Variants in NKAIN2 observed in about 807,000 individuals in gnomAD.
NKAIN2 encodes sodium/potassium transporting ATPase interacting 2.
A neutral mutation model predicts 32.6 loss-of-function variants in NKAIN2; 14 were observed. The observed-to-expected ratio is 0.43, with a 90% CI of 0.28 to 0.67. NKAIN2 has a LOEUF of 0.67. Ranked by LOEUF, NKAIN2 falls within the 30% of genes least tolerant of loss-of-function variation. NKAIN2 has a pLI of 0.17. For missense variants in NKAIN2, 198 were observed against 258.3 expected (o/e 0.77, Z 1.60); for synonymous variants, 80 against 87.2 (o/e 0.92, Z 0.46).
intron 1 of NKAIN2, among the ~76,000 whole-genome samples, chr6:123,959,321 C>T (rs532732359): frequency 6.6e-6 from 1 of 152,254 alleles, no homozygotes. Context: ...CTGTAGCACA[C>T]AGTGGATCAG....
intron 3 of NKAIN2, among the ~76,000 whole-genome samples, chr6:124,500,259 G>A (rs564910022): frequency 6.6e-6 from 1 of 152,322 alleles, no homozygotes; most frequent in South Asian, 2.1e-4. Flanking sequence ...TCAGCTAACT[G>A]TTAATGTACT....
chr6:124,706,116 C>T (rs1775049837), intron 4 of NKAIN2, among the ~76,000 whole-genome samples: 1 of 152,114 alleles, frequency 6.6e-6, no homozygotes, highest in African/African-American at 2.4e-5. Flanking sequence ...TTGGTTTTTC[C>T]ATTGGTCTGT....
At position 124,293,184 on chromosome 6, in the gene NKAIN2, T is replaced by A. The variant is rs192823366; in HGVS notation, c.192+10042T>A. Among the ~76,000 whole-genome samples the A allele has an allele frequency of 1.2e-4, 18 of 152,240 alleles. No homozygotes were observed. The East Asian group carries it at 3.5e-3, about 29-fold the overall frequency. The stretch of plus-strand genomic sequence containing the variant: ...ATTAAGAATAGCTAATAATATTTTA[T>A]TACATATCTTTGAAGCTGTATGCTA... On this transcript the variant is annotated intron_variant, in intron 2 of 6. Transcript: ENST00000368417.
Position 123,854,890 on chromosome 6 carries a change from G to A in NKAIN2, c.54+50636G>A, listed in dbSNP as rs78146586. Among the ~76,000 whole-genome samples the A allele has an allele frequency of 1.6e-3, 242 of 152,248 alleles. 11 individuals are homozygous for A. In the East Asian group the frequency reaches 0.036, roughly 22 times the overall value. On this transcript the variant is annotated intron_variant, in intron 1 of 6. Transcript: ENST00000368417. ...ATCTAAAGGAACTTTGGTCTTCTGC[G>A]TCTTTCCTTGGCTGAGACAGGACAC...
chr6:124,417,214 A>G (rs1336155227), intron 3 of NKAIN2, among the ~76,000 whole-genome samples: 1 of 152,350 alleles, frequency 6.6e-6, no homozygotes, highest in South Asian at 2.1e-4. Flanking sequence ...GCAATTACGG[A>G]CACATCTGAA....
At chr6:124,564,012 G>T (rs1780804176) in intron 3 of NKAIN2, among the ~76,000 whole-genome samples, 1 of 152,106 alleles carries the variant, frequency 6.6e-6, no homozygotes, top group African/African-American at 2.4e-5. Context: ...ATGGTAATTA[G>T]GAAAGATCAC....
chr6:123,997,705 A>G (rs980187425), intron 1 of NKAIN2, among the ~76,000 whole-genome samples: 12 of 144,206 alleles, frequency 8.3e-5, no homozygotes, highest in Non-Finnish European at 1.6e-4. Flanking sequence ...CCAGGTTCAC[A>G]CCATTCTCCT....
intron 3 of NKAIN2, among the ~76,000 whole-genome samples, chr6:124,532,370 T>C (rs1779556597): frequency 6.6e-6 from 1 of 151,904 alleles, no homozygotes; most frequent in Admixed American, 6.6e-5. Context: ...TGAAGCAAGC[T>C]GTGAAAGAAG....
At chr6:123,896,447 G>T (rs543624958) in intron 1 of NKAIN2, among the ~76,000 whole-genome samples, 1 of 152,064 alleles carries the variant, frequency 6.6e-6, no homozygotes, top group South Asian at 2.1e-4. Flanking sequence ...AAATGAGATA[G>T]CCTTAGGTAG....
chr6:124,180,083 TA>T (rs1789362467), intron 1 of NKAIN2, among the ~76,000 whole-genome samples: 1 of 152,056 alleles, frequency 6.6e-6, no homozygotes, highest in African/African-American at 2.4e-5. Flanking sequence ...GGTAGATAGG[TA>T]GGCATGTAAG....
intron 1 of NKAIN2, among the ~76,000 whole-genome samples, chr6:123,861,592 C>T (rs987333461): frequency 1.3e-5 from 2 of 152,066 alleles, no homozygotes; most frequent in African/African-American, 4.8e-5. Flanking sequence ...CCCTAGGTAA[C>T]ATTAAAATAA....
chr6:123,974,592 C>T (rs1778473006), intron 1 of NKAIN2, among the ~76,000 whole-genome samples: 2 of 152,088 alleles, frequency 1.3e-5, no homozygotes, highest in South Asian at 2.1e-4. Flanking sequence ...TGTATTGGCA[C>T]ATTGGTTTGA....
intron 1 of NKAIN2, among the ~76,000 whole-genome samples, chr6:124,030,721 G>T (rs1026777244): frequency 6.6e-6 from 1 of 152,190 alleles, no homozygotes; most frequent in Non-Finnish European, 1.5e-5. Flanking sequence ...CTCCTGGAAA[G>T]CATGAACATA....
chr6:123,967,597 C>T (rs1450713696), intron 1 of NKAIN2, among the ~76,000 whole-genome samples: 2 of 152,072 alleles, frequency 1.3e-5, no homozygotes, highest in Non-Finnish European at 2.9e-5. Flanking sequence ...GGTTTTCCAC[C>T]CCCAACTGAA....
chr6:124,176,293 A>C (rs181246408), intron 1 of NKAIN2, among the ~76,000 whole-genome samples: 15 of 152,294 alleles, frequency 9.8e-5, no homozygotes, highest in Middle Eastern at 3.4e-3. Context: ...TTGTAAAAAA[A>C]TGCATTATCT....
intron 1 of NKAIN2, among the ~76,000 whole-genome samples, chr6:123,963,673 G>A (rs111306402): frequency 4.6e-5 from 7 of 152,124 alleles, no homozygotes; most frequent in Admixed American, 2.6e-4. Context: ...AACAGAAAGC[G>A]TAAAAGAAAG....
intron 1 of NKAIN2, among the ~76,000 whole-genome samples, chr6:123,867,638 A>T (rs1422595014): frequency 6.6e-6 from 1 of 152,174 alleles, no homozygotes; most frequent in East Asian, 1.9e-4. Flanking sequence ...GTTTTATACT[A>T]TTTCAAAATG....
chr6:124,748,406 T>C (rs1372030123), intron 4 of NKAIN2, among the ~76,000 whole-genome samples: 1 of 151,948 alleles, frequency 6.6e-6, no homozygotes, highest in Non-Finnish European at 1.5e-5. Flanking sequence ...GGCACTCTTC[T>C]TACATCAGGA....
chr6:124,758,577 C>T (rs1314622752), intron 4 of NKAIN2, among the ~76,000 whole-genome samples: 4 of 152,130 alleles, frequency 2.6e-5, no homozygotes, highest in Non-Finnish European at 1.5e-5. Flanking sequence ...AAAGACACTC[C>T]GGAAGCCACT....
Sources: allele counts gnomAD v4.1 joint callset (sites outside exome capture counted in the v4.1 genomes callset), GRCh38; gene constraint gnomAD v4.1.1; transcripts MANE v1.5; gene names NCBI Gene and HGNC (gene_info 2026-07-23, HGNC 2026-07-21).